FGF12: variants seen among roughly 807,000 people sequenced by gnomAD.
FGF12 encodes fibroblast growth factor 12.
A neutral mutation model predicts 23.6 loss-of-function variants in FGF12; 14 were observed. The ratio of observed to expected loss-of-function variants is 0.59; its 90% CI spans 0.39 to 0.93. The LOEUF (loss-of-function observed/expected upper bound fraction) is 0.93, where lower values mean the gene tolerates loss of function less well. Among genes scored for constraint, FGF12 ranks in the 40% least tolerant of loss-of-function variants. FGF12 has a pLI of 0.00. For missense variants in FGF12, 175 were observed against 217.8 expected (o/e 0.80, Z 1.24); for synonymous variants, 62 against 77.3 (o/e 0.80, Z 1.04).
intron 4 of FGF12, among the ~76,000 whole-genome samples, chr3:192,241,687 T>C (rs1719625814): frequency 6.6e-6 from 1 of 152,174 alleles, no homozygotes; most frequent in African/African-American, 2.4e-5. Flanking sequence ...CATGAAATTC[T>C]ATGCTAGAAT....
chr3:192,291,510 G>C (rs1714757425), intron 4 of FGF12, among the ~76,000 whole-genome samples: 2 of 152,040 alleles, frequency 1.3e-5, no homozygotes, highest in South Asian at 4.1e-4. Flanking sequence ...TTGGGCCTGG[G>C]AGGTCGAGGT....
rs1392335463 is a variant in FGF12 at position 192,191,662 on chromosome 3, C to T, written c.229-21006G>A. On this transcript the variant is annotated intron_variant, in intron 4 of 5. Coordinates refer to ENST00000445105, the MANE Select transcript of FGF12 (RefSeq NM_004113.6). ...CATCCTGGCCAACATGGTGAAACCCCGTCTCTACTAAAAATAACAAAAAAT... is the reference window on the plus strand; with the variant it reads ...CATCCTGGCCAACATGGTGAAACCCTGTCTCTACTAAAAATAACAAAAAAT... Among the ~76,000 whole-genome samples, 3 of 151,946 alleles carry T rather than the reference C, an allele frequency of 2.0e-5. No homozygotes were observed. In the East Asian group the frequency reaches 5.8e-4, roughly 29 times the overall value.
intron 2 of FGF12, among the ~76,000 whole-genome samples, chr3:192,591,267 C>T (rs891620961): frequency 1.8e-4 from 27 of 150,902 alleles, no homozygotes; most frequent in African/African-American, 6.6e-4. Context: ...TCTAATTAGC[C>T]CTTTTGATGA....
At chr3:192,456,699 A>C (rs756920591) in intron 2 of FGF12, among the ~76,000 whole-genome samples, 1 of 152,186 alleles carries the variant, frequency 6.6e-6, no homozygotes, top group Non-Finnish European at 1.5e-5. Flanking sequence ...TTTGCAGATA[A>C]GGACTGCAAG....
At chr3:192,401,339 A>G (rs571929412) in intron 2 of FGF12, among the ~76,000 whole-genome samples, 1 of 152,336 alleles carries the variant, frequency 6.6e-6, no homozygotes, top group Admixed American at 6.5e-5. Context: ...AATTTTTAGT[A>G]CCTTTTACAG....
At chr3:192,723,817 G>A (rs1719114176) in intron 2 of FGF12, among the ~76,000 whole-genome samples, 1 of 147,902 alleles carries the variant, frequency 6.8e-6, no homozygotes, top group Non-Finnish European at 1.5e-5. Context: ...AGAAAAATGT[G>A]ATATAGGTGG....
intron 2 of FGF12, among the ~76,000 whole-genome samples, chr3:192,367,409 G>A (rs1197530744): frequency 1.3e-5 from 2 of 152,128 alleles, no homozygotes; most frequent in East Asian, 1.9e-4. Flanking sequence ...CAAGGGCTTC[G>A]GGGGCATTAC....
chr3:192,188,512 T>C (rs1716612033), intron 4 of FGF12, among the ~76,000 whole-genome samples: 1 of 152,186 alleles, frequency 6.6e-6, no homozygotes, highest in Admixed American at 6.5e-5. Flanking sequence ...ATCTATTTCA[T>C]TTTTTCTTTC....
At chr3:192,155,275 T>G (rs747915135) in intron 5 of FGF12, among the ~76,000 whole-genome samples, 2 of 152,216 alleles carry the variant, frequency 1.3e-5, no homozygotes, top group East Asian at 3.9e-4. Flanking sequence ...ACCGGTCTTC[T>G]GCATTGCTCA....
intron 2 of FGF12, among the ~76,000 whole-genome samples, chr3:192,568,744 C>T (rs1475274210): frequency 6.6e-6 from 1 of 152,030 alleles, no homozygotes; most frequent in Non-Finnish European, 1.5e-5. Flanking sequence ...AGACAGAGTC[C>T]TTCTGCCAGG....
At chr3:192,525,859 C>T (rs1724933446) in intron 2 of FGF12, among the ~76,000 whole-genome samples, 1 of 152,222 alleles carries the variant, frequency 6.6e-6, no homozygotes, top group Non-Finnish European at 1.5e-5. Context: ...ACTGCAACCT[C>T]CGCCTTCCAG....
chr3:192,520,698 C>T (rs1467124860), intron 2 of FGF12, among the ~76,000 whole-genome samples: 1 of 152,082 alleles, frequency 6.6e-6, no homozygotes, highest in South Asian at 2.1e-4. Context: ...AGAGTCAAAG[C>T]TTTACCAAAA....
intron 2 of FGF12, among the ~76,000 whole-genome samples, chr3:192,701,158 G>T (rs1718282345): frequency 6.6e-6 from 1 of 152,102 alleles, no homozygotes; most frequent in South Asian, 2.1e-4. Context: ...GACACTCCTT[G>T]CTATTGATTC....
chr3:192,381,216 C>A (rs1719799701), intron 2 of FGF12, among the ~76,000 whole-genome samples: 1 of 152,022 alleles, frequency 6.6e-6, no homozygotes, highest in Admixed American at 6.6e-5. Context: ...CAAACAGCAC[C>A]CGACCATCTA....
chr3:192,476,238 C>A (rs905035561), intron 2 of FGF12, among the ~76,000 whole-genome samples: 7 of 151,966 alleles, frequency 4.6e-5, no homozygotes, highest in Non-Finnish European at 7.4e-5. Flanking sequence ...TTTCTGCATC[C>A]ATTTACCTAA....
At chr3:192,313,984 T>C (rs2108675617) in intron 4 of FGF12, among the ~76,000 whole-genome samples, 1 of 152,310 alleles carries the variant, frequency 6.6e-6, no homozygotes, top group South Asian at 2.1e-4. Flanking sequence ...AAAGTCCTCA[T>C]AAATAGGATC....
At chr3:192,280,507 T>C (rs1046233517) in intron 4 of FGF12, among the ~76,000 whole-genome samples, 1 of 152,198 alleles carries the variant, frequency 6.6e-6, no homozygotes, top group Non-Finnish European at 1.5e-5. Context: ...GTATTACTAG[T>C]GCCTCTTCAA....
At chr3:192,507,225 C>T (rs1724337013) in intron 2 of FGF12, among the ~76,000 whole-genome samples, 1 of 151,874 alleles carries the variant, frequency 6.6e-6, no homozygotes, top group Admixed American at 6.6e-5. Context: ...TAAGGCTCTT[C>T]TGGGGTGAGC....
intron 4 of FGF12, among the ~76,000 whole-genome samples, chr3:192,264,787 G>A (rs1243340208): frequency 6.6e-6 from 1 of 152,170 alleles, no homozygotes; most frequent in Admixed American, 6.6e-5. Context: ...ACCAACAAGA[G>A]TGGAATTCCA....
Sources: gnomAD v4.1 joint callset for allele counts (sites outside exome capture counted in the v4.1 genomes callset) on GRCh38, gnomAD v4.1.1 for gene constraint, MANE v1.5 for transcripts, NCBI Gene and HGNC (gene_info 2026-07-23, HGNC 2026-07-21) for gene names.